CLCA2: variants seen among roughly 807,000 people sequenced by gnomAD.
CLCA2 encodes the protein calcium-activated chloride channel regulator 2.
Under a neutral mutation model 82.9 loss-of-function variants are expected in CLCA2, and 85 were observed. The observed-to-expected ratio is 1.03, with a 90% CI of 0.86 to 1.23. The LOEUF (loss-of-function observed/expected upper bound fraction) is 1.23, where lower values mean the gene tolerates loss of function less well. Ranked by LOEUF, CLCA2 falls within the 50% of genes most tolerant of loss-of-function variation. The pLI, the probability that CLCA2 is intolerant of heterozygous loss-of-function variation, is 0.00. For missense variants in CLCA2, 1,089 were observed against 1,124.8 expected (o/e 0.97, Z 0.45); for synonymous variants, 421 against 391.7 (o/e 1.07, Z -0.88).
Position 86,430,898 on chromosome 1 carries a change from G to A in CLCA2, c.512G>A (p.Trp171Ter), listed in dbSNP as rs1662484917. The part of the protein sequence containing the change: ...VFVHEWAHLR[W>*]GVFDEYNNDK... ...GTCCATGAATGGGCCCACCTCCGTT[G>A]GGGTGTGTTCGATGAGTATAACAAT... The change falls in exon 4 of 14, where the codon TGG becomes TAG. Residue 171 changes from tryptophan (W) to a stop codon, truncating the protein, a stop_gained. Transcript: ENST00000370565. LOFTEE classifies it high-confidence loss of function. 3 of 1,613,642 alleles carry A rather than the reference G, an allele frequency of 1.9e-6. No homozygotes were observed. The highest frequency in any genetic ancestry group is 1.3e-5 in the African/African-American group (1 of 74,884).
chr1:86,432,631 C>G lies in CLCA2; in HGVS notation c.744+103C>G, dbSNP rs1291842274. On this transcript the variant is annotated intron_variant, in intron 5 of 13. Coordinates refer to ENST00000370565, the MANE Select transcript of CLCA2 (RefSeq NM_006536.7). ...AATTAAGATGCACTATACTTTAGAACTTGGGGGACCCTAGAGTTCATCTAG... is the reference window on the plus strand; with the variant it reads ...AATTAAGATGCACTATACTTTAGAAGTTGGGGGACCCTAGAGTTCATCTAG... 3 of 1,357,974 alleles carry G rather than the reference C, an allele frequency of 2.2e-6. No individual in the cohort carries two copies. The African/African-American group carries it at 4.4e-5, about 20-fold the overall frequency. 84.1% of individuals were successfully genotyped at this position (1,357,974 alleles called of 1,614,324 possible).
Position 86,434,637 on chromosome 1 carries a change from C to T in CLCA2, c.864C>T (p.Ser288=). Residue 288 remains serine, a synonymous_variant, in exon 6 of 14, where the codon AGC becomes AGT. Transcript: ENST00000370565. ...VITDSADFHH[S]FPMNGTELPP... ...CAGACTCTGCTGACTTTCACCACAG[C>T]TTTCCCATGAATGGGACTGAGCTTC... is the stretch of plus-strand genomic sequence containing the variant. 1.2e-6 allele frequency: 2 copies of T among 1,614,114 alleles called. No homozygotes were observed. Among genetic ancestry groups the T allele is most frequent in the Non-Finnish European group, 1.7e-6 (2 of 1,179,976 alleles).
At chr1:86,428,302 T>C (rs1173245044) in intron 2 of CLCA2, 116 bp from the exon 3 acceptor site, 6 of 953,952 alleles carry the variant, frequency 6.3e-6, no homozygotes, top group Non-Finnish European at 8.6e-6. Flanking sequence ...TATAATTACA[T>C]ACAATAAAAT....
chr1:86,432,556 C>T (rs1662522837), intron 5 of CLCA2, 28 bp downstream of exon 5: 2 of 1,601,060 alleles, frequency 1.2e-6, no homozygotes, highest in African/African-American at 2.7e-5. Context: ...ATGACACACT[C>T]TTGCAGGATT....
At position 86,455,339 on chromosome 1, in the gene CLCA2, GC is replaced by G; in HGVS notation, c.2647del (p.Gln883ArgfsTer21). 1 of 1,612,532 alleles carries G rather than the reference GC, an allele frequency of 6.2e-7. No homozygotes were observed. Among genetic ancestry groups the G allele is most frequent in the African/African-American group, 1.3e-5 (1 of 74,922 alleles). On this transcript the variant is annotated frameshift_variant, in exon 14 of 14. Transcript: ENST00000370565. LOFTEE classifies it low-confidence loss of function (END_TRUNC). ...CTTACAGTCTGCTGTATCTAACATT[GC>G]CCAGGCGCCTCTGTTTATTCCCCCC... is the stretch of plus-strand genomic sequence containing the variant. ...NSLQSAVSNI[A>X]QAPLFIPPNS...
chr1:86,447,313 C>T (rs1662872167), intron 10 of CLCA2, among the ~76,000 whole-genome samples, 195 bp from the exon 11 acceptor site: 1 of 152,154 alleles, frequency 6.6e-6, no homozygotes, highest in African/African-American at 2.4e-5. Flanking sequence ...GTGACTTATG[C>T]TATGAAAGCC....
At chr1:86,432,296 T>C in intron 4 of CLCA2, 73 bp from the exon 5 acceptor site, 1 of 1,536,256 alleles carries the variant, frequency 6.5e-7, no homozygotes, top group South Asian at 1.2e-5. Context: ...GTAATAATTA[T>C]ATAAGCTAGT....
At chr1:86,452,035 C>T (rs1264931447) in intron 12 of CLCA2, among the ~76,000 whole-genome samples, 1 of 151,982 alleles carries the variant, frequency 6.6e-6, no homozygotes, top group Non-Finnish European at 1.5e-5. Flanking sequence ...CTTCTTTAAG[C>T]TTAAAATCCA....
At chr1:86,428,595 C>T (rs779392920) in intron 3 of CLCA2, 27 bp downstream of exon 3, 2 of 1,606,434 alleles carry the variant, frequency 1.2e-6, no homozygotes, top group Non-Finnish European at 1.7e-6. Flanking sequence ...AAACAATAGC[C>T]ATTGGACAAT....
At position 86,424,449 on chromosome 1, in the gene CLCA2, G is replaced by A; in HGVS notation, c.186+16G>A. ...AAACATTAAGGTGAGTGGAAATTAT[G>A]AAATTGATACTAGCATCCCATTTGA... On this transcript the variant is annotated intron_variant, in intron 1 of 13. Transcript: ENST00000370565. 1 of 1,595,004 alleles carries A rather than the reference G, an allele frequency of 6.3e-7. No individual in the cohort carries two copies.
In CLCA2 at chr1:86,446,997, T is replaced by C. The variant is rs913417247; in HGVS notation, c.1714-511T>C. On this transcript the variant is annotated intron_variant, in intron 10 of 13. Transcript: ENST00000370565. The stretch of plus-strand genomic sequence containing the variant: ...TAGTAGTGTATGTGTTTTTTGTTGA[T>C]TGAGATTTCTGAGTGTGGAGTTTTT... Among the ~76,000 whole-genome samples the C allele has an allele frequency of 3.9e-5, 6 of 152,132 alleles. 1 individual carries two copies. In the Middle Eastern group the frequency reaches 9.5e-3, roughly 241 times the overall value.
At chr1:86,444,073 A>G (rs1662799568) in intron 10 of CLCA2, 62 bp downstream of exon 10, 2 of 1,098,764 alleles carry the variant, frequency 1.8e-6, no homozygotes, top group African/African-American at 3.1e-5. Flanking sequence ...TTTCAGCTGA[A>G]TCACATGATT....
rs1049018500 is a variant in CLCA2, at chr1:86,455,690, T to G, written c.*163T>G. On this transcript the variant is annotated 3_prime_UTR_variant, in exon 14 of 14. Coordinates refer to ENST00000370565, the MANE Select transcript of CLCA2 (RefSeq NM_006536.7). The stretch of plus-strand genomic sequence containing the variant: ...ACATGGTAGATCAACAAATTCTTTT[T>G]GGGGGTAGATTAGAAAACCCTTACA... 22 of 409,220 alleles carry G rather than the reference T, an allele frequency of 5.4e-5. No homozygotes were observed. The highest frequency in any genetic ancestry group is 4.3e-4 in the African/African-American group (21 of 48,694). The allele number at this position is 409,220 out of a possible 1,614,324, so 25.3% of individuals were successfully genotyped here. A position where few individuals can be genotyped will look rare whatever the true frequency, so the allele number is the denominator to read the frequency against.
At chr1:86,424,542 A>G in intron 1 of CLCA2, 109 bp downstream of exon 1, 1 of 887,172 alleles carries the variant, frequency 1.1e-6, no homozygotes, top group Non-Finnish European at 1.6e-6. Flanking sequence ...TACAGAGAAC[A>G]GCATTTTTAA....
chr1:86,439,396 TG>T (rs1222704186), intron 7 of CLCA2, among the ~76,000 whole-genome samples: 1 of 152,218 alleles, frequency 6.6e-6, no homozygotes, highest in Non-Finnish European at 1.5e-5. Flanking sequence ...AAACAACATC[TG>T]GGCATTTTCT....
rs141677634 is a variant in CLCA2, at chr1:86,443,872, T to C, written c.1574T>C (p.Met525Thr). ...TVDNTVGNDT[M>T]FLVTWQASGP... The stretch of plus-strand genomic sequence containing the variant: ...GATAATACTGTGGGCAACGACACTA[T>C]GTTTCTAGTTACGTGGCAGGCCAGT... The change falls in exon 10 of 14, where the codon ATG becomes ACG. Residue 525 changes from methionine (M) to threonine (T), a missense_variant. Met to Thr is a moderately conservative substitution (Grantham distance 81). Transcript: ENST00000370565. 2.8e-3 allele frequency: 4,477 copies of C among 1,614,066 alleles called. 34 individuals carry two copies. In the Middle Eastern group the frequency reaches 0.034, roughly 12 times the overall value.
At chr1:86,435,190 G>C (rs1662583228) in intron 6 of CLCA2, among the ~76,000 whole-genome samples, 1 of 152,116 alleles carries the variant, frequency 6.6e-6, no homozygotes, top group Non-Finnish European at 1.5e-5. Flanking sequence ...ATTTTTTGGG[G>C]GTTGGGAGGA....
chr1:86,440,335 T>C lies in CLCA2; in HGVS notation c.1381+10T>C. 1.2e-6 allele frequency: 2 copies of C among 1,608,308 alleles called. No homozygotes were observed. The highest frequency in any genetic ancestry group is 1.1e-5 in the South Asian group (1 of 90,004). ...TTATCACGTCTTACAGGTAATAAAC[T>C]TTTAAAAACTTATCTTTTGGAGCAT... On this transcript the variant is annotated intron_variant, in intron 8 of 13. Coordinates refer to ENST00000370565, the MANE Select transcript of CLCA2 (RefSeq NM_006536.7).
intron 1 of CLCA2, among the ~76,000 whole-genome samples, 172 bp from the exon 2 acceptor site, chr1:86,425,167 G>GT (rs1000696880): frequency 2.0e-5 from 3 of 152,212 alleles, no homozygotes; most frequent in East Asian, 1.9e-4. Context: ...ATCATTTAAA[G>GT]TTTTTTTAAA....
Sources: gnomAD v4.1 joint callset for allele counts (sites outside exome capture counted in the v4.1 genomes callset) on GRCh38, gnomAD v4.1.1 for gene constraint, MANE v1.5 for transcripts, NCBI Gene and HGNC (gene_info 2026-07-23, HGNC 2026-07-21) for gene names.